SULT4A1: variants seen among roughly 807,000 people sequenced by gnomAD.
SULT4A1 encodes the protein sulfotransferase 4A1.
In SULT4A1, 11 loss-of-function variants were observed where a neutral mutation model predicts 35.2. That is an observed-to-expected ratio of 0.31 (90% CI 0.20 to 0.52). The LOEUF (loss-of-function observed/expected upper bound fraction) is 0.52, where lower values mean the gene tolerates loss of function less well. SULT4A1 is among the 20% of genes least tolerant of loss of function. The pLI is 0.97. For missense variants in SULT4A1, 271 were observed against 383.7 expected (o/e 0.71, Z 2.45); for synonymous variants, 152 against 151.8 (o/e 1.00, Z -0.01).
intron 1 of SULT4A1, among the ~76,000 whole-genome samples, chr22:43,845,669 TCTGTGGCCTGTTCCGAA>T (rs2063471491): frequency 6.6e-6 from 1 of 152,164 alleles, no homozygotes; most frequent in African/African-American, 2.4e-5. Context: ...AGGCCACGGG[TCTGTGGCCTGTTCCGAA>T]CCGAGACGCA....
At chr22:43,852,392 G>A (rs1040694723) in intron 1 of SULT4A1, among the ~76,000 whole-genome samples, 3 of 150,832 alleles carry the variant, frequency 2.0e-5, no homozygotes, top group South Asian at 4.3e-4. Flanking sequence ...TTGCCCAGAC[G>A]GTCTTGAACT....
At chr22:43,854,512 CCCT>C (rs2148305031) in intron 1 of SULT4A1, among the ~76,000 whole-genome samples, 1 of 152,288 alleles carries the variant, frequency 6.6e-6, no homozygotes, top group African/African-American at 2.4e-5. Flanking sequence ...ATAACTGGTC[CCCT>C]CCTCCAGCAG....
chr22:43,853,848 G>A (rs960349588), intron 1 of SULT4A1, among the ~76,000 whole-genome samples: 1 of 152,252 alleles, frequency 6.6e-6, no homozygotes, highest in East Asian at 1.9e-4. Flanking sequence ...TCCACCCCAG[G>A]GAGAAGAGGC....
Position 43,845,665 on chromosome 22 carries a change from CG to C in SULT4A1, c.170-3734del, listed in dbSNP as rs551904322. 2.6e-3 allele frequency among the ~76,000 whole-genome samples: 392 copies of C among 152,290 alleles called. 2 individuals carry two copies. Among genetic ancestry groups the C allele is most frequent in the African/African-American group, 9.0e-3 (374 of 41,558 alleles). On this transcript the variant is annotated intron_variant, in intron 1 of 6. Coordinates refer to ENST00000330884, the MANE Select transcript of SULT4A1 (RefSeq NM_014351.4). ...CCAGGGGTCCCCAACCCCCAGGCCA[CG>C]GGTCTGTGGCCTGTTCCGAACCGAG...
At chr22:43,857,132 A>T (rs916690997) in intron 1 of SULT4A1, among the ~76,000 whole-genome samples, 3 of 152,208 alleles carry the variant, frequency 2.0e-5, no homozygotes, top group Admixed American at 6.5e-5. Flanking sequence ...AAAAAAACAT[A>T]ACAGAAACAT....
At chr22:43,855,998 A>G (rs560336820) in intron 1 of SULT4A1, among the ~76,000 whole-genome samples, 3 of 152,342 alleles carry the variant, frequency 2.0e-5, no homozygotes, top group Admixed American at 2.0e-4. Flanking sequence ...GGGTGAGCCC[A>G]TGTGACAGCA....
At chr22:43,830,441 AG>A (rs1341688765) in intron 5 of SULT4A1, among the ~76,000 whole-genome samples, 2 of 152,230 alleles carry the variant, frequency 1.3e-5, no homozygotes, top group Admixed American at 6.5e-5. Flanking sequence ...AACATGTCAC[AG>A]GACACTTGCT....
rs1315972581 is a variant in SULT4A1, at chr22:43,840,033, G to C, written c.301-8C>G. On this transcript the variant is annotated splice_region_variant and splice_polypyrimidine_tract_variant and intron_variant, in intron 2 of 6. Transcript: ENST00000330884. ...GCGGGGAGAGGTCAGTTCCTGCGTG[G>C]AGTCAGAGGGAGAGGCAGGTCAGAG... The C allele has an allele frequency of 1.3e-6, 2 of 1,595,004 alleles. No homozygotes were observed. Among genetic ancestry groups the C allele is most frequent in the East Asian group, 2.3e-5 (1 of 44,312 alleles).
In SULT4A1 at chr22:43,847,259, C is replaced by T. The variant is rs541441183; in HGVS notation, c.170-5327G>A. ...GCCCCGGCCTTCCTAGGGCATAAAG[C>T]CAGCTGGCAAGATGTGATAACATGA... On this transcript the variant is annotated intron_variant, in intron 1 of 6. Coordinates refer to ENST00000330884, the MANE Select transcript of SULT4A1 (RefSeq NM_014351.4). Among the ~76,000 whole-genome samples, 73 of 152,240 alleles carry T rather than the reference C, an allele frequency of 4.8e-4. No homozygotes were observed. In the Middle Eastern group the frequency reaches 0.031, roughly 64 times the overall value.
chr22:43,862,030 C>A (rs1012656100), intron 1 of SULT4A1, among the ~76,000 whole-genome samples, 184 bp downstream of exon 1: 6 of 151,856 alleles, frequency 4.0e-5, no homozygotes, highest in African/African-American at 1.2e-4. Flanking sequence ...CCCTTCCCAC[C>A]CCCACCCCAC....
chr22:43,841,371 C>T lies in SULT4A1; in HGVS notation c.300+431G>A, dbSNP rs555194198. On this transcript the variant is annotated intron_variant, in intron 2 of 6. Transcript: ENST00000330884. ...GCTGGAACTAAAGAGGTGCAGCGGA[C>T]GGGGTGGGGGTGCCTGTGGGTGTGT... Among the ~76,000 whole-genome samples the T allele has an allele frequency of 3.3e-5, 5 of 152,040 alleles. No individual in the cohort carries two copies. In the East Asian group the frequency reaches 7.8e-4, roughly 24 times the overall value.
intron 5 of SULT4A1, among the ~76,000 whole-genome samples, chr22:43,829,403 T>C (rs369747683): frequency 3.3e-5 from 5 of 152,216 alleles, no homozygotes; most frequent in African/African-American, 1.2e-4. Context: ...CGTGGAGATC[T>C]TGAATTCAAA....
At chr22:43,853,478 G>A (rs2049366925) in intron 1 of SULT4A1, among the ~76,000 whole-genome samples, 1 of 152,194 alleles carries the variant, frequency 6.6e-6, no homozygotes, top group African/African-American at 2.4e-5. Flanking sequence ...GATGCAGAGC[G>A]GAAACAGGCA....
At position 43,841,686 on chromosome 22, in the gene SULT4A1, G is replaced by A. The variant is rs889075116; in HGVS notation, c.300+116C>T. The A allele has an allele frequency of 9.5e-6, 14 of 1,469,798 alleles. No homozygotes were observed. The Admixed American group carries it at 1.4e-4, about 15-fold the overall frequency. The allele number at this position is 1,469,798 out of a possible 1,614,324, so 91.0% of individuals were successfully genotyped here. A position where few individuals can be genotyped will look rare whatever the true frequency, so the allele number is the denominator to read the frequency against. On this transcript the variant is annotated intron_variant, in intron 2 of 6. Coordinates refer to ENST00000330884, the MANE Select transcript of SULT4A1 (RefSeq NM_014351.4). ...GCCAGCTTCTCCCCTGGCTATCTGGGGCTATCTGCTCTCCCCTAATCCACA... is the reference window on the plus strand; with the variant it reads ...GCCAGCTTCTCCCCTGGCTATCTGGAGCTATCTGCTCTCCCCTAATCCACA...
chr22:43,861,576 C>T (rs1344315418), intron 1 of SULT4A1, among the ~76,000 whole-genome samples: 1 of 152,218 alleles, frequency 6.6e-6, no homozygotes, highest in Non-Finnish European at 1.5e-5. Flanking sequence ...CTAGCTCACA[C>T]AGCTGTTATT....
chr22:43,835,471 C>A (rs946192896), intron 4 of SULT4A1, among the ~76,000 whole-genome samples: 1 of 152,184 alleles, frequency 6.6e-6, no homozygotes, highest in East Asian at 1.9e-4. Context: ...CCCTGCCACC[C>A]GGCAGGATTC....
intron 2 of SULT4A1, among the ~76,000 whole-genome samples, chr22:43,840,937 A>G (rs572066007): frequency 6.6e-6 from 1 of 152,238 alleles, no homozygotes; most frequent in Non-Finnish European, 1.5e-5. Flanking sequence ...ACATCCCCAG[A>G]GGAGACTGCT....
intron 4 of SULT4A1, among the ~76,000 whole-genome samples, chr22:43,836,649 C>T (rs1023059301): frequency 6.7e-6 from 1 of 149,558 alleles, no homozygotes; most frequent in Non-Finnish European, 1.5e-5. Context: ...GTCTACACAG[C>T]GTCCTCCAAC....
chr22:43,848,025 G>A (rs548816843), intron 1 of SULT4A1, among the ~76,000 whole-genome samples: 15 of 152,200 alleles, frequency 9.9e-5, no homozygotes, highest in African/African-American at 2.9e-4. Context: ...CCCTCCACCC[G>A]CCTTGCCACC....
Sources: allele counts gnomAD v4.1 joint callset (sites outside exome capture counted in the v4.1 genomes callset), GRCh38; gene constraint gnomAD v4.1.1; transcripts MANE v1.5; gene names NCBI Gene and HGNC (gene_info 2026-07-23, HGNC 2026-07-21).